TBC1D22A: variants seen among roughly 807,000 people sequenced by gnomAD.
TBC1D22A encodes the protein TBC1 domain family member 22A, also known as putative GTPase activator.
A neutral mutation model predicts 60.2 loss-of-function variants in TBC1D22A; 38 were observed. That is an observed-to-expected ratio of 0.63 (90% CI 0.49 to 0.83). TBC1D22A has a LOEUF of 0.83. Among genes scored for constraint, TBC1D22A ranks in the 40% least tolerant of loss-of-function variants. The probability of loss-of-function intolerance (pLI) is 0.00; values close to 1 mark genes in which losing one functional copy is unlikely to be tolerated. For synonymous variants in TBC1D22A, 302 were observed against 281.7 expected, an observed-to-expected ratio of 1.07 and a Z score of -0.72; for missense variants, 628 against 701.0, an observed-to-expected ratio of 0.90 and a Z score of 1.18.
chr22:47,081,646 C>G (rs2064471725), intron 11 of TBC1D22A, among the ~76,000 whole-genome samples: 1 of 152,134 alleles, frequency 6.6e-6, no homozygotes, highest in Admixed American at 6.5e-5. Flanking sequence ...AAATGTATTT[C>G]TGTATATTAG....
intron 12 of TBC1D22A, among the ~76,000 whole-genome samples, chr22:47,152,003 C>A (rs2067522929): frequency 6.6e-6 from 1 of 152,206 alleles, no homozygotes; most frequent in Non-Finnish European, 1.5e-5. Flanking sequence ...GTGGTCTGGG[C>A]CTTACTCTGC....
intron 4 of TBC1D22A, among the ~76,000 whole-genome samples, chr22:46,840,093 A>G (rs1178601111): frequency 6.6e-6 from 1 of 152,228 alleles, no homozygotes; most frequent in African/African-American, 2.4e-5. Flanking sequence ...AAATAGACAA[A>G]TGGGATTGCA....
Position 47,060,366 on chromosome 22 carries a change from C to CA in TBC1D22A, c.1329+23170dup, listed in dbSNP as rs1385313636. On this transcript the variant is annotated intron_variant, in intron 11 of 12. Coordinates refer to ENST00000337137, the MANE Select transcript of TBC1D22A (RefSeq NM_014346.5). ...AAGCGATTCTTCTGCCTCAGCCTCC[C>CA]AAGTAGTTGGGATTACAGGCGCCCA... Among the ~76,000 whole-genome samples, 12 of 151,966 alleles carry CA rather than the reference C, an allele frequency of 7.9e-5. No homozygotes were observed. The South Asian group carries it at 2.5e-3, about 32-fold the overall frequency.
intron 4 of TBC1D22A, among the ~76,000 whole-genome samples, chr22:46,800,740 T>G (rs1016050213): frequency 6.6e-6 from 1 of 152,234 alleles, no homozygotes; most frequent in Non-Finnish European, 1.5e-5. Flanking sequence ...TTTTTATGGT[T>G]GTTGTTACGT....
chr22:47,163,987 C>T (rs772427716), intron 12 of TBC1D22A, among the ~76,000 whole-genome samples: 2 of 152,234 alleles, frequency 1.3e-5, no homozygotes, highest in Non-Finnish European at 2.9e-5. Flanking sequence ...AGTGGCAACA[C>T]CTCCAAGGCC....
intron 4 of TBC1D22A, among the ~76,000 whole-genome samples, chr22:46,801,298 G>A (rs749560901): frequency 3.3e-5 from 5 of 152,220 alleles, no homozygotes; most frequent in South Asian, 2.1e-4. Context: ...ACAGTGGAAT[G>A]TACTTTCTTC....
chr22:47,039,449 T>C lies in TBC1D22A; in HGVS notation c.1329+2251T>C, dbSNP rs149046544. The stretch of plus-strand genomic sequence containing the variant: ...GTTTATTAGCTGAGCCATTACAGGT[T>C]TTAGTTACTCTTTAACCCCTTACAA... On this transcript the variant is annotated intron_variant, in intron 11 of 12. Coordinates refer to ENST00000337137, the MANE Select transcript of TBC1D22A (RefSeq NM_014346.5). Among the ~76,000 whole-genome samples, 478 of 152,114 alleles carry C rather than the reference T, an allele frequency of 3.1e-3. 4 individuals carry two copies. The highest frequency in any genetic ancestry group is 0.011 in the African/African-American group (453 of 41,502).
At chr22:46,924,761 AC>A (rs2070954799) in intron 8 of TBC1D22A, among the ~76,000 whole-genome samples, 1 of 152,086 alleles carries the variant, frequency 6.6e-6, no homozygotes, top group African/African-American at 2.4e-5. Context: ...AAAAACAAAA[AC>A]AAAAACATTA....
rs368567200 is a variant in TBC1D22A at position 46,771,927 on chromosome 22, T to C, written c.62+9079T>C. On this transcript the variant is annotated intron_variant, in intron 1 of 12. Coordinates refer to ENST00000337137, the MANE Select transcript of TBC1D22A (RefSeq NM_014346.5). Reference sequence around the variant, plus strand: ...CCCACTTATGAGTGAGAACAGGTGATGTTTGGTTTTCCATTCCTGAGTTAC... The same window carrying C: ...CCCACTTATGAGTGAGAACAGGTGACGTTTGGTTTTCCATTCCTGAGTTAC... 2.3e-3 allele frequency among the ~76,000 whole-genome samples: 349 copies of C among 152,134 alleles called. 5 individuals are homozygous for C. The highest frequency in any genetic ancestry group is 8.0e-3 in the African/African-American group (330 of 41,468).
intron 9 of TBC1D22A, among the ~76,000 whole-genome samples, chr22:46,976,362 G>T (rs1284619534): frequency 6.6e-6 from 1 of 152,136 alleles, no homozygotes; most frequent in Non-Finnish European, 1.5e-5. Context: ...TGCCACGATG[G>T]ATTCCACATG....
In TBC1D22A at chr22:47,105,125, C is replaced by T. The variant is rs189226515; in HGVS notation, c.1330-6383C>T. On this transcript the variant is annotated intron_variant, in intron 11 of 12. Transcript: ENST00000337137. ...AGAATAAATCTCTTTAAATATTTTACAGAGTTTGATTCTTTTCGTCAATAA... is the reference window on the plus strand; with the variant it reads ...AGAATAAATCTCTTTAAATATTTTATAGAGTTTGATTCTTTTCGTCAATAA... Among the ~76,000 whole-genome samples the T allele has an allele frequency of 5.5e-4, 83 of 151,954 alleles. No individual in the cohort carries two copies. The East Asian group carries it at 0.014, about 26-fold the overall frequency.
chr22:47,109,954 C>T (rs1216921388), intron 11 of TBC1D22A, among the ~76,000 whole-genome samples: 3 of 152,130 alleles, frequency 2.0e-5, no homozygotes, highest in Non-Finnish European at 4.4e-5. Context: ...CATGTGCCAT[C>T]CATTCTCAGA....
intron 12 of TBC1D22A, among the ~76,000 whole-genome samples, chr22:47,141,486 G>C (rs1032477153): frequency 6.6e-6 from 1 of 152,250 alleles, no homozygotes; most frequent in Non-Finnish European, 1.5e-5. Flanking sequence ...GTTGTCCCCA[G>C]ATCAGAGCTG....
chr22:46,994,021 C>T (rs563327349), intron 9 of TBC1D22A, among the ~76,000 whole-genome samples: 4 of 152,352 alleles, frequency 2.6e-5, no homozygotes, highest in East Asian at 1.9e-4. Flanking sequence ...GCCAGAATGC[C>T]GAGGCCATAG....
intron 4 of TBC1D22A, among the ~76,000 whole-genome samples, chr22:46,823,303 A>G (rs994567784): frequency 1.1e-4 from 16 of 152,242 alleles, no homozygotes; most frequent in Non-Finnish European, 2.2e-4. Flanking sequence ...GTTTAGGCTT[A>G]TATACATAAT....
At chr22:47,160,949 C>T (rs570866436) in intron 12 of TBC1D22A, among the ~76,000 whole-genome samples, 1 of 122,700 alleles carries the variant, frequency 8.1e-6, no homozygotes, top group South Asian at 2.4e-4. Flanking sequence ...TAGGAGGGAC[C>T]CCGGGGGCCT....
At position 47,050,635 on chromosome 22, in the gene TBC1D22A, A is replaced by C. The variant is rs149149135; in HGVS notation, c.1329+13437A>C. The stretch of plus-strand genomic sequence containing the variant: ...CTGACTCTAGGAGCTTGCCTTCTGC[A>C]CAAAGTACAGGGTGGCCACAGGAGA... On this transcript the variant is annotated intron_variant, in intron 11 of 12. Coordinates refer to ENST00000337137, the MANE Select transcript of TBC1D22A (RefSeq NM_014346.5). Among the ~76,000 whole-genome samples the C allele has an allele frequency of 2.2e-3, 340 of 152,306 alleles. 1 individual carries two copies. The highest frequency in any genetic ancestry group is 7.7e-3 in the African/African-American group (322 of 41,566).
At chr22:46,841,822 G>A (rs2086785195) in intron 4 of TBC1D22A, among the ~76,000 whole-genome samples, 1 of 152,232 alleles carries the variant, frequency 6.6e-6, no homozygotes. Context: ...TGTTAAGAAA[G>A]TAGGTTTTAA....
chr22:46,916,533 A>G (rs1242875578), intron 8 of TBC1D22A, among the ~76,000 whole-genome samples: 1 of 152,256 alleles, frequency 6.6e-6, no homozygotes, highest in Non-Finnish European at 1.5e-5. Flanking sequence ...CTGTGCACAC[A>G]GGCGTGCAGG....
Sources: allele counts gnomAD v4.1 joint callset (sites outside exome capture counted in the v4.1 genomes callset), GRCh38; gene constraint gnomAD v4.1.1; transcripts MANE v1.5; gene names NCBI Gene and HGNC (gene_info 2026-07-23, HGNC 2026-07-21).